Variants in CBX1 observed in about 807,000 individuals in gnomAD.
CBX1 encodes chromobox 1.
In CBX1, 10 loss-of-function variants were observed where a neutral mutation model predicts 25.1. The observed-to-expected ratio is 0.40, with a 90% CI of 0.25 to 0.68. The LOEUF (loss-of-function observed/expected upper bound fraction) is 0.68. Ranked by LOEUF, CBX1 falls within the 30% of genes least tolerant of loss-of-function variation. The probability of loss-of-function intolerance (pLI) is 0.40; values close to 1 mark genes in which losing one functional copy is unlikely to be tolerated. For missense variants in CBX1, 106 were observed against 218.5 expected (o/e 0.49, Z 3.25); for synonymous variants, 63 against 79.4 (o/e 0.79, Z 1.10).
In CBX1 at chr17:48,075,096, T is replaced by G; in HGVS notation, c.323A>C (p.Glu108Ala). ...ACCTCGAGCAAAGCCTCGTGGCTTTTCTGACTGTAAAAACAAGATGGGTAG... is the reference window on the plus strand; with the variant it reads ...ACCTCGAGCAAAGCCTCGTGGCTTTGCTGACTGTAAAAACAAGATGGGTAG... ...SKPKKKKEES[E>A]KPRGFARGLE... Residue 108 changes from glutamate (E) to alanine (A), a missense_variant, in exon 4 of 5, where the codon GAA (glutamate) becomes GCA (alanine). Glu to Ala is a moderately radical substitution (Grantham distance 107). This residue lies in a region of CBX1 where 71 missense variants were observed against 144.1 expected (regional missense o/e 0.49). Coordinates refer to ENST00000225603, the MANE Select transcript of CBX1 (RefSeq NM_001127228.2). The G allele has an allele frequency of 6.2e-7, 1 of 1,612,600 alleles. No homozygotes were observed. Among genetic ancestry groups the G allele is most frequent in the South Asian group, 1.1e-5 (1 of 91,060 alleles).
At chr17:48,094,596 A>G (rs2063362362) in intron 1 of CBX1, among the ~76,000 whole-genome samples, 1 of 151,336 alleles carries the variant, frequency 6.6e-6, no homozygotes. Flanking sequence ...ATTAGCCAGC[A>G]TGGCGCACCT....
chr17:48,077,661 G>A (rs1204902934), intron 1 of CBX1, among the ~76,000 whole-genome samples: 1 of 151,624 alleles, frequency 6.6e-6, no homozygotes, highest in Non-Finnish European at 1.5e-5. Flanking sequence ...ATTTTAAAAG[G>A]CTCCCAATAC....
At chr17:48,075,146 T>C (rs1422071104) in intron 3 of CBX1, 46 bp from the exon 4 acceptor site, 1 of 1,213,554 alleles carries the variant, frequency 8.2e-7, no homozygotes, top group Non-Finnish European at 1.2e-6. Flanking sequence ...TATGGGACTA[T>C]TATCCAGACT....
At chr17:48,090,337 A>G (rs1029845237) in intron 1 of CBX1, among the ~76,000 whole-genome samples, 1 of 152,022 alleles carries the variant, frequency 6.6e-6, no homozygotes. Context: ...ACATGTATAT[A>G]TTTTTTTCTA....
At chr17:48,083,821 T>C (rs570635971) in intron 1 of CBX1, among the ~76,000 whole-genome samples, 2 of 147,418 alleles carry the variant, frequency 1.4e-5, no homozygotes, top group East Asian at 3.9e-4. Context: ...CGAAACTCCA[T>C]CCCCCCTCCA....
intron 1 of CBX1, among the ~76,000 whole-genome samples, chr17:48,086,975 G>A (rs2063315471): frequency 1.3e-5 from 2 of 151,766 alleles, no homozygotes; most frequent in South Asian, 2.1e-4. Context: ...AGATCACAAG[G>A]TCAGGAGATC....
At chr17:48,088,718 C>T (rs1391694747) in intron 1 of CBX1, 2 of 152,026 alleles carry the variant, frequency 1.3e-5, no homozygotes, top group Non-Finnish European at 2.9e-5. Context: ...GTCGTCTTTG[C>T]ATAGGGGCCA....
At chr17:48,084,009 A>T (rs1449036787) in intron 1 of CBX1, among the ~76,000 whole-genome samples, 1 of 150,072 alleles carries the variant, frequency 6.7e-6, no homozygotes, top group Non-Finnish European at 1.5e-5. Context: ...AATTTTGTTT[A>T]GACACAGGGT....
intron 1 of CBX1, among the ~76,000 whole-genome samples, chr17:48,100,150 A>AAAAAAAAAAT (rs1298707847): frequency 1.3e-5 from 2 of 150,924 alleles, no homozygotes; most frequent in Non-Finnish European, 3.0e-5. Flanking sequence ...AAAAAAAAAA[A>AAAAAAAAAAT]AAAAGAGGTA....
intron 1 of CBX1, among the ~76,000 whole-genome samples, chr17:48,099,094 C>CTAT (rs1567771796): frequency 4.4e-4 from 67 of 152,066 alleles, no homozygotes; most frequent in East Asian, 9.7e-4. Flanking sequence ...CATCTATCTA[C>CTAT]CTATCATCTA....
chr17:48,097,510 C>A (rs752294305), intron 1 of CBX1, among the ~76,000 whole-genome samples: 1 of 147,194 alleles, frequency 6.8e-6, no homozygotes, highest in Admixed American at 6.9e-5. Context: ...CCAGCTACTC[C>A]GGAGGCTGAA....
At chr17:48,083,343 A>G (rs1157331486) in intron 1 of CBX1, among the ~76,000 whole-genome samples, 1 of 150,128 alleles carries the variant, frequency 6.7e-6, no homozygotes, top group Non-Finnish European at 1.5e-5. Flanking sequence ...CTGCACCCCT[A>G]TTGTCAGGGG....
At chr17:48,090,115 A>G (rs2063336614) in intron 1 of CBX1, among the ~76,000 whole-genome samples, 1 of 151,922 alleles carries the variant, frequency 6.6e-6, no homozygotes, top group Non-Finnish European at 1.5e-5. Flanking sequence ...CATGTTGGCC[A>G]GGGTGGTCTC....
intron 1 of CBX1, among the ~76,000 whole-genome samples, chr17:48,095,195 T>C (rs1007917310): frequency 6.6e-6 from 1 of 152,236 alleles, no homozygotes; most frequent in Admixed American, 6.5e-5. Context: ...CTCTTTTCTT[T>C]GGGGTTCCCA....
chr17:48,082,732 T>G (rs2037751527), intron 1 of CBX1, among the ~76,000 whole-genome samples: 1 of 149,730 alleles, frequency 6.7e-6, no homozygotes, highest in Non-Finnish European at 1.5e-5. Context: ...AAGACGTGGT[T>G]TCACCATGTT....
At chr17:48,094,611 T>G (rs911314791) in intron 1 of CBX1, among the ~76,000 whole-genome samples, 5 of 149,576 alleles carry the variant, frequency 3.3e-5, no homozygotes, top group Admixed American at 2.7e-4. Flanking sequence ...GCACCTGTAG[T>G]CCCAGCTACT....
At chr17:48,097,380 C>T (rs1050749987) in intron 1 of CBX1, among the ~76,000 whole-genome samples, 5 of 152,130 alleles carry the variant, frequency 3.3e-5, no homozygotes, top group Non-Finnish European at 4.4e-5. Flanking sequence ...TTTGGGTGGC[C>T]GAGGAGGGTA....
intron 4 of CBX1, among the ~76,000 whole-genome samples, chr17:48,074,466 T>A (rs2037655947): frequency 6.6e-6 from 1 of 152,224 alleles, no homozygotes; most frequent in Non-Finnish European, 1.5e-5. Flanking sequence ...TTTATACTCA[T>A]AATGGAAAAA....
chr17:48,077,983 G>C (rs1181448376), intron 1 of CBX1, among the ~76,000 whole-genome samples: 5 of 151,938 alleles, frequency 3.3e-5, no homozygotes, highest in African/African-American at 1.2e-4. Context: ...GCGAGACCCT[G>C]TCCCTACTAA....
Sources: allele counts gnomAD v4.1 joint callset (sites outside exome capture counted in the v4.1 genomes callset), GRCh38; gene constraint gnomAD v4.1.1; regional missense constraint gnomAD v4.1.1; transcripts MANE v1.5; gene names NCBI Gene and HGNC (gene_info 2026-07-23, HGNC 2026-07-21).